NIF3L1: variants seen among roughly 807,000 people sequenced by gnomAD.
NIF3L1 encodes the protein NIF3-like protein 1.
A neutral mutation model predicts 35.0 loss-of-function variants in NIF3L1; 26 were observed. The observed-to-expected ratio is 0.74, with a 90% CI of 0.54 to 1.03. NIF3L1 has a LOEUF of 1.03. Among genes scored for constraint, NIF3L1 ranks in the 50% least tolerant of loss-of-function variants. The pLI is 0.00. For synonymous variants in NIF3L1, 157 were observed against 178.9 expected, an observed-to-expected ratio of 0.88 and a Z score of 0.98; for missense variants, 449 against 466.3, an observed-to-expected ratio of 0.96 and a Z score of 0.34.
chr2:200,891,765 G>A (rs1268031507), intron 1 of NIF3L1, 153 bp from the exon 2 acceptor site: 5 of 602,656 alleles, frequency 8.3e-6, no homozygotes, highest in Non-Finnish European at 1.5e-5. Context: ...GAGGTTAAAT[G>A]GCTTACCTAA....
intron 3 of NIF3L1, among the ~76,000 whole-genome samples, chr2:200,894,710 CTTT>C (rs74740047): frequency 8.1e-6 from 1 of 123,734 alleles, no homozygotes. Flanking sequence ...GCCTGGCCTT[CTTT>C]TTTTTTTTTT....
At position 200,893,509 on chromosome 2, in the gene NIF3L1, C is replaced by T. The variant is rs181558928; in HGVS notation, c.599+101C>T. The stretch of plus-strand genomic sequence containing the variant: ...ATTTAGGCTTGAAACAAATAGTTTT[C>T]TCTGGAGTTGATTTACAAAGTAGCA... On this transcript the variant is annotated intron_variant, in intron 3 of 6. Coordinates refer to ENST00000409020, the MANE Select transcript of NIF3L1 (RefSeq NM_001369441.2). 8.4e-4 allele frequency: 964 copies of T among 1,150,844 alleles called. 2 individuals carry two copies. The highest frequency in any genetic ancestry group is 1.1e-3 in the Non-Finnish European group (856 of 801,966). 71.3% of individuals were successfully genotyped at this position (1,150,844 alleles called of 1,614,324 possible).
At chr2:200,891,212 C>T (rs2040185990) in intron 1 of NIF3L1, among the ~76,000 whole-genome samples, 1 of 152,216 alleles carries the variant, frequency 6.6e-6, no homozygotes, top group African/African-American at 2.4e-5. Flanking sequence ...GCCTCGGCCT[C>T]CCAAAGTGCT....
chr2:200,896,195 A>C (rs2040310035), intron 4 of NIF3L1, among the ~76,000 whole-genome samples: 2 of 152,046 alleles, frequency 1.3e-5, no homozygotes, highest in Non-Finnish European at 2.9e-5. Context: ...CAGGCTCTTT[A>C]GCATGGTGTT....
chr2:200,901,406 CAATGAT>C (rs1282698168), intron 6 of NIF3L1, among the ~76,000 whole-genome samples: 1 of 152,062 alleles, frequency 6.6e-6, no homozygotes, highest in East Asian at 1.9e-4. Flanking sequence ...TTTTTTAAAA[CAATGAT>C]AAAGTATAAT....
chr2:200,894,860 G>A (rs916194971), intron 3 of NIF3L1, among the ~76,000 whole-genome samples: 2 of 152,134 alleles, frequency 1.3e-5, no homozygotes, highest in African/African-American at 4.8e-5. Flanking sequence ...ACAGATGTGA[G>A]CCACTGCACC....
intron 5 of NIF3L1, among the ~76,000 whole-genome samples, chr2:200,897,650 T>G (rs2040340283): frequency 6.6e-6 from 1 of 152,208 alleles, no homozygotes; most frequent in South Asian, 2.1e-4. Flanking sequence ...GGAATCATGA[T>G]TGCTACAATT....
chr2:200,899,428 C>T lies in NIF3L1; in HGVS notation c.909C>T (p.Ser303=), dbSNP rs1343039441. The change falls in exon 6 of 7, where the codon AGC becomes AGT. Residue 303 remains serine, a synonymous_variant. Transcript: ENST00000409020. ...KVVALCAGSG[S]SVLQGVEADL... The stretch of plus-strand genomic sequence containing the variant: ...TGGCCCTGTGTGCTGGTTCTGGGAG[C>T]AGCGTTCTGCAGGGTGTTGAGGCTG... The T allele has an allele frequency of 6.2e-7, 1 of 1,614,030 alleles. No homozygotes were observed. Among genetic ancestry groups the T allele is most frequent in the Non-Finnish European group, 8.5e-7 (1 of 1,179,976 alleles).
At chr2:200,895,553 A>C (rs2040292628) in intron 4 of NIF3L1, among the ~76,000 whole-genome samples, 163 bp downstream of exon 4, 1 of 152,218 alleles carries the variant, frequency 6.6e-6, no homozygotes, top group Non-Finnish European at 1.5e-5. Context: ...AATTTGATGA[A>C]TATCATTACT....
chr2:200,899,838 C>T (rs2040383201), intron 6 of NIF3L1, among the ~76,000 whole-genome samples: 1 of 152,142 alleles, frequency 6.6e-6, no homozygotes. Flanking sequence ...GCTCCCAAAT[C>T]TTTCTAGAAT....
intron 6 of NIF3L1, among the ~76,000 whole-genome samples, chr2:200,902,872 T>C (rs1282729987): frequency 6.6e-6 from 1 of 152,234 alleles, no homozygotes; most frequent in Non-Finnish European, 1.5e-5. Flanking sequence ...TACTTGGCAG[T>C]GATCATTCAT....
chr2:200,892,248 G>A lies in NIF3L1; in HGVS notation c.305G>A (p.Arg102His), dbSNP rs767639509. Residue 102 changes from arginine (R) to histidine (H), a missense_variant, in exon 2 of 7, where the codon CGC (arginine) becomes CAC (histidine). Arg to His is a conservative substitution (Grantham distance 29). Transcript: ENST00000409020. ...CCGCCTATCTTCCGACCCATGAAGC[G>A]CATAACCTGGAACACATGGAAGGAG... is the stretch of plus-strand genomic sequence containing the variant. The part of the protein sequence containing the change: ...YHPPIFRPMK[R>H]ITWNTWKERL... The A allele has an allele frequency of 3.2e-5, 51 of 1,614,000 alleles. 1 individual carries two copies. The highest frequency in any genetic ancestry group is 5.3e-5 in the African/African-American group (4 of 74,928).
At chr2:200,890,340 C>T (rs2040150102) in intron 1 of NIF3L1, among the ~76,000 whole-genome samples, 1 of 152,094 alleles carries the variant, frequency 6.6e-6, no homozygotes, top group Non-Finnish European at 1.5e-5. Flanking sequence ...GCCTAGGCGC[C>T]TAGTGAAACC....
At chr2:200,899,322 A>G in intron 5 of NIF3L1, 63 bp from the exon 6 acceptor site, 1 of 1,280,474 alleles carries the variant, frequency 7.8e-7, no homozygotes. Flanking sequence ...CTTGGTACAA[A>G]TTATAATAGT....
At chr2:200,902,282 A>G (rs1347948978) in intron 6 of NIF3L1, among the ~76,000 whole-genome samples, 3 of 152,234 alleles carry the variant, frequency 2.0e-5, no homozygotes, top group Non-Finnish European at 4.4e-5. Context: ...AATTCAGAAT[A>G]TTAGGCTGGA....
At chr2:200,898,308 A>C (rs1169999833) in intron 5 of NIF3L1, among the ~76,000 whole-genome samples, 4 of 152,188 alleles carry the variant, frequency 2.6e-5, no homozygotes, top group African/African-American at 9.7e-5. Flanking sequence ...ATCATGTTGG[A>C]AGGCACCTCT....
intron 2 of NIF3L1, among the ~76,000 whole-genome samples, chr2:200,892,979 A>G (rs2040231353): frequency 1.3e-5 from 2 of 152,170 alleles, no homozygotes; most frequent in African/African-American, 4.8e-5. Flanking sequence ...AAATGTATGA[A>G]TCAGTCTTTC....
intron 1 of NIF3L1, among the ~76,000 whole-genome samples, chr2:200,891,322 G>A (rs1559348073): frequency 6.6e-6 from 1 of 152,176 alleles, no homozygotes; most frequent in Non-Finnish European, 1.5e-5. Context: ...GCAATCAGGG[G>A]AGGCGGGCAG....
intron 5 of NIF3L1, among the ~76,000 whole-genome samples, chr2:200,898,495 T>C (rs1213004742): frequency 6.6e-6 from 1 of 152,192 alleles, no homozygotes; most frequent in Admixed American, 6.5e-5. Context: ...ATGGGGATTA[T>C]ATTCAAGGTG....
Sources: gnomAD v4.1 joint callset for allele counts (sites outside exome capture counted in the v4.1 genomes callset) on GRCh38, gnomAD v4.1.1 for gene constraint, MANE v1.5 for transcripts, NCBI Gene and HGNC (gene_info 2026-07-23, HGNC 2026-07-21) for gene names.